The following UBAP1 variants were observed in gnomAD, a reference collection of about 807,000 sequenced individuals.
The protein encoded by UBAP1 is ubiquitin associated protein 1.
UBAP1 carries 5 observed loss-of-function variants against 39.0 expected under a neutral mutation model. The ratio of observed to expected loss-of-function variants is 0.13; its 90% CI spans 0.07 to 0.27. UBAP1 has a LOEUF of 0.27. Ranked by LOEUF, UBAP1 falls within the 10% of genes least tolerant of loss-of-function variation. The pLI is 1.00. For synonymous variants in UBAP1, 211 were observed against 225.1 expected (o/e 0.94, Z 0.56); for missense variants, 490 against 608.1 (o/e 0.81, Z 2.04).
At chr9:34,186,556 T>A (rs1351915434) in intron 1 of UBAP1, among the ~76,000 whole-genome samples, 2 of 152,186 alleles carry the variant, frequency 1.3e-5, no homozygotes, top group African/African-American at 4.8e-5. Context: ...AATTAATTTT[T>A]TTTTTCTAAT....
intron 3 of UBAP1, among the ~76,000 whole-genome samples, chr9:34,236,529 A>C (rs1187963444): frequency 2.0e-5 from 3 of 152,036 alleles, no homozygotes; most frequent in Non-Finnish European, 4.4e-5. Context: ...CCTCTGTTAG[A>C]TTGTATATTC....
At chr9:34,200,849 ATTGT>A (rs1279071701) in intron 1 of UBAP1, among the ~76,000 whole-genome samples, 8 of 152,284 alleles carry the variant, frequency 5.3e-5, no homozygotes, top group South Asian at 2.1e-4. Flanking sequence ...TAAATAATAT[ATTGT>A]TTATTTTTGC....
At chr9:34,200,807 C>T (rs1337644603) in intron 1 of UBAP1, among the ~76,000 whole-genome samples, 2 of 152,146 alleles carry the variant, frequency 1.3e-5, no homozygotes, top group Non-Finnish European at 2.9e-5. Flanking sequence ...TTATCATTTC[C>T]TTCCTTTTAT....
intron 1 of UBAP1, among the ~76,000 whole-genome samples, chr9:34,200,177 C>T (rs1308446732): frequency 6.6e-6 from 1 of 152,080 alleles, no homozygotes; most frequent in Non-Finnish European, 1.5e-5. Flanking sequence ...GGAAAAATAC[C>T]TGAGGTAAAG....
At chr9:34,199,819 T>G (rs1831269611) in intron 1 of UBAP1, among the ~76,000 whole-genome samples, 1 of 150,916 alleles carries the variant, frequency 6.6e-6, no homozygotes, top group South Asian at 2.1e-4. Context: ...TTTTTTTTTT[T>G]TTGTAGAGAC....
chr9:34,224,593 GC>G, intron 2 of UBAP1: 1 of 413,558 alleles, frequency 2.4e-6, no homozygotes. Context: ...CCCCGGTCTT[GC>G]GGTGCTTGTG....
intron 1 of UBAP1, among the ~76,000 whole-genome samples, chr9:34,213,875 C>T (rs1459398615): frequency 6.6e-6 from 1 of 151,574 alleles, no homozygotes; most frequent in Non-Finnish European, 1.5e-5. Context: ...TATACACCAA[C>T]AGTGACCAAG....
At chr9:34,193,142 C>G (rs937612247) in intron 1 of UBAP1, among the ~76,000 whole-genome samples, 1 of 151,896 alleles carries the variant, frequency 6.6e-6, no homozygotes, top group Non-Finnish European at 1.5e-5. Flanking sequence ...CCCCATCTCT[C>G]TACTAAAAAT....
intron 1 of UBAP1, among the ~76,000 whole-genome samples, chr9:34,187,680 T>C (rs1202843104): frequency 1.3e-5 from 2 of 152,126 alleles, no homozygotes; most frequent in East Asian, 1.9e-4. Flanking sequence ...GTGGAAGAGC[T>C]GATATGGAAA....
At chr9:34,181,116 C>T (rs866310520) in intron 1 of UBAP1, among the ~76,000 whole-genome samples, 88 of 72,212 alleles carry the variant, frequency 1.2e-3, no homozygotes, top group South Asian at 1.7e-3. Flanking sequence ...GGCCTGTTTT[C>T]TTTTTTTTTT....
intron 1 of UBAP1, among the ~76,000 whole-genome samples, chr9:34,184,730 C>T (rs1027638385): frequency 2.7e-5 from 4 of 150,138 alleles, no homozygotes; most frequent in African/African-American, 9.8e-5. Flanking sequence ...TCAAGAGATT[C>T]TCCTGCCTCA....
At chr9:34,234,373 A>G in intron 3 of UBAP1, 33 bp downstream of exon 3, 1 of 1,566,638 alleles carries the variant, frequency 6.4e-7, no homozygotes, top group Non-Finnish European at 8.6e-7. Context: ...AGTTTAGTGC[A>G]TTTAAAAGTT....
rs1417119466 is a variant in UBAP1, at chr9:34,251,525, C to T, written c.1502C>T (p.Ala501Val). 1 of 1,613,850 alleles carries T rather than the reference C, an allele frequency of 6.2e-7. No individual in the cohort carries two copies. Among genetic ancestry groups the T allele is most frequent in the Admixed American group, 1.7e-5 (1 of 60,016 alleles). Residue 501 changes from alanine (A) to valine (V), a missense_variant, in exon 7 of 7, where the codon GCC becomes GTC. This residue lies in a region of UBAP1 where 339 missense variants were observed against 390.0 expected (regional missense o/e 0.87). Coordinates refer to ENST00000297661, the MANE Select transcript of UBAP1 (RefSeq NM_016525.5). Reference sequence around the variant, plus strand: ...GAAGACCTCATGGCTCGGGCAGGAGCCAGCTGAGACCAGGCCCTGCCTAGG... The same window carrying T: ...GAAGACCTCATGGCTCGGGCAGGAGTCAGCTGAGACCAGGCCCTGCCTAGG... ...ALEDLMARAG[A>V]S
At chr9:34,182,625 T>TTC (rs1327381792) in intron 1 of UBAP1, among the ~76,000 whole-genome samples, 1 of 34,784 alleles carries the variant, frequency 2.9e-5, no homozygotes, top group Non-Finnish European at 6.2e-5. Context: ...CCTTCTTTCT[T>TTC]TCTTTCTTTC....
At chr9:34,184,354 G>A (rs1348926865) in intron 1 of UBAP1, among the ~76,000 whole-genome samples, 3 of 151,144 alleles carry the variant, frequency 2.0e-5, no homozygotes, top group Non-Finnish European at 4.4e-5. Flanking sequence ...GCTCTGGGCC[G>A]GGCGCGGTGG....
chr9:34,226,009 A>G (rs1409309363), intron 2 of UBAP1, among the ~76,000 whole-genome samples: 2 of 152,046 alleles, frequency 1.3e-5, no homozygotes, highest in African/African-American at 4.8e-5. Flanking sequence ...TAATGTATAC[A>G]TCTTGATGAG....
intron 1 of UBAP1, among the ~76,000 whole-genome samples, chr9:34,216,483 C>CT (rs960565101): frequency 3.3e-5 from 5 of 151,510 alleles, no homozygotes; most frequent in Non-Finnish European, 5.9e-5. Context: ...TTTATGTCTT[C>CT]TTTTTTTTAT....
intron 1 of UBAP1, among the ~76,000 whole-genome samples, chr9:34,192,049 G>A (rs887889143): frequency 1.3e-5 from 2 of 148,402 alleles, no homozygotes; most frequent in East Asian, 4.0e-4. Flanking sequence ...TTGCTGTGTT[G>A]CCCAGGTTAG....
At chr9:34,232,929 CCT>C (rs1833502724) in intron 2 of UBAP1, among the ~76,000 whole-genome samples, 1 of 152,146 alleles carries the variant, frequency 6.6e-6, no homozygotes, top group African/African-American at 2.4e-5. Flanking sequence ...AAAACATGGC[CCT>C]GTTTGGAGTA....
Sources: allele counts gnomAD v4.1 joint callset (sites outside exome capture counted in the v4.1 genomes callset), GRCh38; gene constraint gnomAD v4.1.1; regional missense constraint gnomAD v4.1.1; transcripts MANE v1.5; gene names NCBI Gene and HGNC (gene_info 2026-07-23, HGNC 2026-07-21).